ROR2: variants seen among roughly 807,000 people sequenced by gnomAD.
ROR2 encodes tyrosine-protein kinase transmembrane receptor ROR2.
ROR2 carries 33 observed loss-of-function variants against 74.9 expected under a neutral mutation model. The ratio of observed to expected loss-of-function variants is 0.44; its 90% CI spans 0.33 to 0.59. The LOEUF (loss-of-function observed/expected upper bound fraction) is 0.59, where lower values mean the gene tolerates loss of function less well. Among genes scored for constraint, ROR2 ranks in the 20% least tolerant of loss-of-function variants. The probability of loss-of-function intolerance (pLI) is 0.02; values close to 1 mark genes in which losing one functional copy is unlikely to be tolerated. For synonymous variants in ROR2, 586 were observed against 558.7 expected (o/e 1.05, Z -0.69); for missense variants, 1,216 against 1,313.8 (o/e 0.93, Z 1.15).
chr9:91,783,188 C>G (rs1011474343), intron 1 of ROR2, among the ~76,000 whole-genome samples: 29 of 152,170 alleles, frequency 1.9e-4, no homozygotes, highest in African/African-American at 6.8e-4. Context: ...CCCTGATGAC[C>G]TCCTTTTACC....
intron 1 of ROR2, among the ~76,000 whole-genome samples, chr9:91,818,651 C>A (rs979026869): frequency 6.6e-6 from 1 of 152,190 alleles, no homozygotes; most frequent in African/African-American, 2.4e-5. Flanking sequence ...AGAAAAGAGA[C>A]CATGGCCCAC....
At chr9:91,838,930 C>T (rs1023046497) in intron 1 of ROR2, among the ~76,000 whole-genome samples, 2 of 152,038 alleles carry the variant, frequency 1.3e-5, no homozygotes, top group East Asian at 1.9e-4. Flanking sequence ...GAGAAGTTCC[C>T]GGTGGACTCT....
At chr9:91,893,839 G>A (rs1414916145) in intron 1 of ROR2, among the ~76,000 whole-genome samples, 4 of 152,096 alleles carry the variant, frequency 2.6e-5, no homozygotes, top group Admixed American at 2.6e-4. Context: ...ACCCAAAATA[G>A]CATAAAATTT....
At chr9:91,920,474 C>T (rs1190835384) in intron 1 of ROR2, among the ~76,000 whole-genome samples, 1 of 152,278 alleles carries the variant, frequency 6.6e-6, no homozygotes, top group East Asian at 1.9e-4. Context: ...CCCCTGCACT[C>T]CAGCCTGGGT....
At chr9:91,818,945 T>C (rs1828039613) in intron 1 of ROR2, among the ~76,000 whole-genome samples, 1 of 152,116 alleles carries the variant, frequency 6.6e-6, no homozygotes, top group African/African-American at 2.4e-5. Flanking sequence ...CTGCAGGTCA[T>C]GCTATTCTGT....
intron 1 of ROR2, among the ~76,000 whole-genome samples, chr9:91,917,086 T>C (rs935153508): frequency 6.6e-6 from 1 of 152,228 alleles, no homozygotes; most frequent in Non-Finnish European, 1.5e-5. Context: ...TGAAGTTCAT[T>C]AATTTCCTCC....
intron 1 of ROR2, among the ~76,000 whole-genome samples, chr9:91,816,347 A>G (rs749033222): frequency 1.3e-5 from 2 of 151,704 alleles, no homozygotes; most frequent in Non-Finnish European, 2.9e-5. Flanking sequence ...ACCTACCTCA[A>G]CTAAGCTCCA....
intron 2 of ROR2, among the ~76,000 whole-genome samples, chr9:91,773,245 CAG>C (rs1354729804): frequency 1.3e-5 from 2 of 152,218 alleles, no homozygotes; most frequent in Non-Finnish European, 2.9e-5. Flanking sequence ...AAGGAAATAT[CAG>C]AGTCTATGGA....
Position 91,733,469 on chromosome 9 carries a change from G to A in ROR2, c.623-33C>T. 2 of 1,594,786 alleles carry A rather than the reference G, an allele frequency of 1.3e-6. No individual in the cohort carries two copies. The highest frequency in any genetic ancestry group is 8.5e-7 in the Non-Finnish European group (1 of 1,173,852). The stretch of plus-strand genomic sequence containing the variant: ...GCCCGCGAGACTCGCGTTAGCGGGG[G>A]ACCCACCTTGCGCCCTTGACATTCA... On this transcript the variant is annotated intron_variant, in intron 5 of 8. Transcript: ENST00000375708. This position sits in a 1 kb window ranked among gnomAD's most constrained non-coding sequence, Gnocchi z 5.7.
intron 2 of ROR2, among the ~76,000 whole-genome samples, chr9:91,771,500 C>G (rs1192206479): frequency 6.6e-6 from 1 of 152,200 alleles, no homozygotes; most frequent in Admixed American, 6.5e-5. Context: ...AATGTAACAA[C>G]GAAGACAAAG....
chr9:91,752,975 C>T (rs148448968), intron 4 of ROR2, among the ~76,000 whole-genome samples: 1,588 of 152,176 alleles, frequency 0.01, 12 homozygotes, highest in African/African-American at 0.02. Flanking sequence ...TTCTTTCAAC[C>T]GTATGTTTGA....
At chr9:91,756,228 C>A in intron 3 of ROR2, 127 bp from the exon 4 acceptor site, 1 of 840,824 alleles carries the variant, frequency 1.2e-6, no homozygotes. Flanking sequence ...TGTCCTCGGG[C>A]CTCAGGCTCC....
chr9:91,814,102 C>T (rs1270866829), intron 1 of ROR2, among the ~76,000 whole-genome samples: 1 of 152,148 alleles, frequency 6.6e-6, no homozygotes, highest in Admixed American at 6.5e-5. Flanking sequence ...GCAAGAGGAT[C>T]GCTTGAGGCT....
intron 1 of ROR2, among the ~76,000 whole-genome samples, chr9:91,826,581 A>G (rs1221586044): frequency 1.3e-5 from 2 of 152,062 alleles, no homozygotes; most frequent in Non-Finnish European, 2.9e-5. Flanking sequence ...GGAGATCGAG[A>G]CCATCCTGGC....
chr9:91,724,847 C>G lies in ROR2; in HGVS notation c.1647G>C (p.Leu549=), dbSNP rs750989513. 6.2e-7 allele frequency: 1 copy of G among 1,603,214 alleles called. No individual in the cohort carries two copies. ...GCGAACAGTAGCTGAAGATCATGCT[C>G]AGGGGCTGGTCCTTGGTCACCACGC... is the stretch of plus-strand genomic sequence containing the variant. The part of the protein sequence containing the change: ...LLGVVTKDQP[L]SMIFSYCSHG... The change falls in exon 9 of 9, where the codon CTG becomes CTC. Residue 549 remains leucine, a synonymous_variant. Transcript: ENST00000375708.
rs117369959 is a variant in ROR2, at chr9:91,940,899, C to T, written c.97+8968G>A. ...TTACAGGCGTGAGCCACCACCTCGC[C>T]GGGCCTTGAGTCTTTCTTTTAACAG... On this transcript the variant is annotated intron_variant, in intron 1 of 8. Coordinates refer to ENST00000375708, the MANE Select transcript of ROR2 (RefSeq NM_004560.4). Among the ~76,000 whole-genome samples, 8 of 151,070 alleles carry T rather than the reference C, an allele frequency of 5.3e-5. 1 individual carries two copies. Among genetic ancestry groups the T allele is most frequent in the Non-Finnish European group, 8.9e-5 (6 of 67,710 alleles).
chr9:91,943,002 T>C (rs1188292163), intron 1 of ROR2, among the ~76,000 whole-genome samples: 1 of 152,194 alleles, frequency 6.6e-6, no homozygotes, highest in Non-Finnish European at 1.5e-5. Flanking sequence ...TATGTACTTA[T>C]TATCAATGGT....
rs760716435 is a variant in ROR2, at chr9:91,855,557, C to T, written c.98-79739G>A. ...TGACCTCCACCCCCAGTTTCCTGCC[C>T]CCAGTGGCAGGGTAAGCATCTTAGA... On this transcript the variant is annotated intron_variant, in intron 1 of 8. Transcript: ENST00000375708. Among the ~76,000 whole-genome samples the T allele has an allele frequency of 4.9e-4, 74 of 152,308 alleles. 1 individual carries two copies. Among genetic ancestry groups the T allele is most frequent in the Middle Eastern group, 6.8e-3 (2 of 294 alleles).
chr9:91,752,374 T>A (rs1385019143), intron 4 of ROR2, among the ~76,000 whole-genome samples: 1 of 152,232 alleles, frequency 6.6e-6, no homozygotes, highest in Non-Finnish European at 1.5e-5. Context: ...ACGCGTATGT[T>A]CATACCATAA....
Sources: gnomAD v4.1 joint callset for allele counts (sites outside exome capture counted in the v4.1 genomes callset) on GRCh38, gnomAD v4.1.1 for gene constraint, Gnocchi (gnomAD v3.1) non-coding constraint, MANE v1.5 for transcripts, NCBI Gene and HGNC (gene_info 2026-07-23, HGNC 2026-07-21) for gene names.